The following ZNF461 variants were observed in gnomAD, a reference collection of about 807,000 sequenced individuals.
The protein encoded by ZNF461 is zinc finger protein 461.
ZNF461 carries 16 observed loss-of-function variants against 18.3 expected under a neutral mutation model. That is an observed-to-expected ratio of 0.88 (90% confidence interval 0.59 to 1.33). The LOEUF is 1.33. ZNF461 is among the 40% of genes most tolerant of loss of function. The probability of loss-of-function intolerance (pLI) is 0.00; values close to 1 mark genes in which losing one functional copy is unlikely to be tolerated. For synonymous variants in ZNF461, 179 were observed against 216.9 expected (o/e 0.83, Z 1.54); for missense variants, 595 against 669.9 (o/e 0.89, Z 1.23).
Position 36,658,294 on chromosome 19 carries a change from T to G in ZNF461, c.136+5A>C. The stretch of plus-strand genomic sequence containing the variant: ...GTCAGGTTCTTAATTTTTAGATAAC[T>G]TTACCAAGTGACACCAAGTTGCTAT... On this transcript the variant is annotated splice_donor_5th_base_variant and intron_variant, in intron 3 of 5. Transcript: ENST00000588268. 2 of 1,603,462 alleles carry G rather than the reference T, an allele frequency of 1.2e-6. No individual in the cohort carries two copies. The highest frequency in any genetic ancestry group is 1.7e-6 in the Non-Finnish European group (2 of 1,175,086).
chr19:36,649,392 A>G (rs1380040871), intron 4 of ZNF461, among the ~76,000 whole-genome samples: 3 of 152,112 alleles, frequency 2.0e-5, no homozygotes, highest in South Asian at 4.2e-4. Context: ...GTGCAATGGC[A>G]TAATCTTGGC....
Position 36,639,396 on chromosome 19 carries a change from T to G in ZNF461, c.949A>C (p.Thr317Pro). The change falls in exon 6 of 6, where the codon ACT (threonine) becomes CCT (proline). Residue 317 changes from threonine to proline, a missense_variant. Coordinates refer to ENST00000588268, the MANE Select transcript of ZNF461 (RefSeq NM_153257.5). ...CCAGTATGAAGTCTCTGATGTTGAG[T>G]AAGCTGTGATCGCTGTCTAAAGGCC... The part of the protein sequence containing the change: ...GKAFRQRSQL[T>P]QHQRLHTGEK... 1 of 1,613,684 alleles carries G rather than the reference T, an allele frequency of 6.2e-7. No individual in the cohort carries two copies. Among genetic ancestry groups the G allele is most frequent in the Non-Finnish European group, 8.5e-7 (1 of 1,179,910 alleles).
At chr19:36,645,359 G>A (rs1330164308) in intron 4 of ZNF461, 5 of 152,032 alleles carry the variant, frequency 3.3e-5, no homozygotes, top group African/African-American at 1.2e-4. Flanking sequence ...TTTTTAAAGT[G>A]TTTACATATT....
At chr19:36,656,352 GT>G (rs1219545318) in intron 4 of ZNF461, 95 bp downstream of exon 4, 11 of 966,178 alleles carry the variant, frequency 1.1e-5, no homozygotes, top group Non-Finnish European at 1.7e-5. Flanking sequence ...TTGAAATCAG[GT>G]TTTCCCAAAG....
At chr19:36,651,921 A>C (rs564698131) in intron 4 of ZNF461, among the ~76,000 whole-genome samples, 172 of 152,322 alleles carry the variant, frequency 1.1e-3, no homozygotes, top group African/African-American at 3.8e-3. Flanking sequence ...TCCAATGTTA[A>C]GGTTTACTGT....
rs774974680 is a variant in ZNF461, at chr19:36,639,502, G to A, written c.843C>T (p.Ala281=). 1.2e-6 allele frequency: 2 copies of A among 1,613,222 alleles called. No individual in the cohort carries two copies. The highest frequency in any genetic ancestry group is 3.3e-5 in the Admixed American group (2 of 59,936). Residue 281 remains alanine (A), a synonymous_variant, in exon 6 of 6, where the codon GCC becomes GCT. Coordinates refer to ENST00000588268, the MANE Select transcript of ZNF461 (RefSeq NM_153257.5). ...KRYECNECGK[A]FNYGSELTLH... is the part of the protein sequence containing the mutation. ...GAGTAAGTTCTGAGCCATAATTAAAGGCCTTCCCACATTCGTTACATTCAT... is the reference window on the plus strand; with the variant it reads ...GAGTAAGTTCTGAGCCATAATTAAAAGCCTTCCCACATTCGTTACATTCAT...
chr19:36,643,399 C>A (rs2037464138), intron 5 of ZNF461: 1 of 152,928 alleles, frequency 6.5e-6, no homozygotes, highest in Non-Finnish European at 1.5e-5. Flanking sequence ...TCCAGTACCA[C>A]ATGTGAGGTT....
chr19:36,639,426 C>G lies in ZNF461; in HGVS notation c.919G>C (p.Gly307Arg). 6.2e-7 allele frequency: 1 copy of G among 1,613,962 alleles called. No homozygotes were observed. Among genetic ancestry groups the G allele is most frequent in the Non-Finnish European group, 8.5e-7 (1 of 1,179,970 alleles). Residue 307 changes from glycine to arginine, a missense_variant, in exon 6 of 6, where the codon GGG (glycine) becomes CGG (arginine). Physicochemically the swap from Gly to Arg is moderately radical, Grantham distance 125 (BLOSUM62 -2). Transcript: ENST00000588268. ...TGTGATCGCTGTCTAAAGGCCTTCC[C>G]ACATTCTTTACATTCATAAGGTTTC... The part of the protein sequence containing the change: ...GEKPYECKEC[G>R]KAFRQRSQLT...
chr19:36,639,222 G>A lies in ZNF461; in HGVS notation c.1123C>T (p.His375Tyr). The A allele has an allele frequency of 1.9e-6, 3 of 1,614,128 alleles. No homozygotes were observed. The highest frequency in any genetic ancestry group is 2.5e-6 in the Non-Finnish European group (3 of 1,180,022). ...TFRHRSHLTI[H>Y]QRIHTGEKPY... is the part of the protein sequence containing the mutation. ...TTCTCACCAGTATGAATTCTCTGAT[G>A]TATAGTAAGATGTGAGCGATGCCTA... is the stretch of plus-strand genomic sequence containing the variant. The change falls in exon 6 of 6, where the codon CAT becomes TAT. Residue 375 changes from histidine (H) to tyrosine (Y), a missense_variant. His to Tyr is a moderately conservative substitution (Grantham distance 83). Transcript: ENST00000588268.
chr19:36,639,602 C>T lies in ZNF461; in HGVS notation c.743G>A (p.Cys248Tyr). ...TIQNGDKCNECKECWKAFVHC... is the reference protein window; with the variant it reads ...TIQNGDKCNEYKECWKAFVHC... ...AACAAAGGCCTTCCAACATTCTTTA[C>T]ACTCATTGCATTTGTCACCATTTTG... The change falls in exon 6 of 6, where the codon TGT (cysteine) becomes TAT (tyrosine). Residue 248 changes from cysteine to tyrosine, a missense_variant. Physicochemically the swap from Cys to Tyr is radical, Grantham distance 194 (BLOSUM62 -2). Coordinates refer to ENST00000588268, the MANE Select transcript of ZNF461 (RefSeq NM_153257.5). The T allele has an allele frequency of 6.2e-7, 1 of 1,613,330 alleles. No homozygotes were observed.
chr19:36,640,116 G>T, intron 5 of ZNF461, 73 bp from the exon 6 acceptor site: 1 of 1,256,844 alleles, frequency 8.0e-7, no homozygotes, highest in South Asian at 1.6e-5. Context: ...TGGTAGCAAT[G>T]AGAGATAACT....
At chr19:36,651,740 T>G (rs575042508) in intron 4 of ZNF461, among the ~76,000 whole-genome samples, 1 of 152,308 alleles carries the variant, frequency 6.6e-6, no homozygotes, top group African/African-American at 2.4e-5. Context: ...CTGAATAGAA[T>G]AAAGGTGTTC....
intron 5 of ZNF461, among the ~76,000 whole-genome samples, chr19:36,641,645 A>T (rs968532462): frequency 6.6e-6 from 1 of 151,584 alleles, no homozygotes; most frequent in African/African-American, 2.4e-5. Flanking sequence ...AGTATTCAAT[A>T]ATCAGTTGCT....
intron 4 of ZNF461, among the ~76,000 whole-genome samples, chr19:36,651,621 A>G (rs2037629031): frequency 2.0e-5 from 3 of 152,240 alleles, no homozygotes; most frequent in Non-Finnish European, 4.4e-5. Flanking sequence ...GTATAAAACT[A>G]ACAAAACTTG....
In ZNF461 at chr19:36,666,666, CACTGGTGA is replaced by C. The variant is rs1416100644; in HGVS notation, c.-81+16_-81+23del. On this transcript the variant is annotated intron_variant, in intron 1 of 5. Coordinates refer to ENST00000588268, the MANE Select transcript of ZNF461 (RefSeq NM_153257.5). Reference sequence around the variant, plus strand: ...AAACTATAGACATTCCCTTCCGCGGCACTGGTGAGCCAGGATTTCTTACCTTCAGCATT... The same window carrying C: ...AAACTATAGACATTCCCTTCCGCGGCGCCAGGATTTCTTACCTTCAGCATT... The C allele has an allele frequency of 6.6e-6, 1 of 152,352 alleles. No homozygotes were observed. The highest frequency in any genetic ancestry group is 2.4e-5 in the African/African-American group (1 of 41,414). The allele number at this position is 152,352 out of a possible 1,614,324, so 9.4% of individuals were successfully genotyped here.
rs2037786495 is a variant in ZNF461 at position 36,659,812 on chromosome 19, A to G, written c.10-1387T>C. 2.6e-5 allele frequency among the ~76,000 whole-genome samples: 4 copies of G among 152,332 alleles called. No individual in the cohort carries two copies. In the South Asian group the frequency reaches 8.3e-4, roughly 32 times the overall value. Reference sequence around the variant, plus strand: ...GCCCAAGTCTAACATATGCTGTTCAATCTAAAACCGGAGTTTGTAATTGGT... The same window carrying G: ...GCCCAAGTCTAACATATGCTGTTCAGTCTAAAACCGGAGTTTGTAATTGGT... On this transcript the variant is annotated intron_variant, in intron 2 of 5. Coordinates refer to ENST00000588268, the MANE Select transcript of ZNF461 (RefSeq NM_153257.5).
At position 36,644,689 on chromosome 19, in the gene ZNF461, G is replaced by A. The variant is rs567201433; in HGVS notation, c.233-827C>T. Among the ~76,000 whole-genome samples, 97 of 151,606 alleles carry A rather than the reference G, an allele frequency of 6.4e-4. 1 individual carries two copies. The Middle Eastern group carries it at 0.01, about 16-fold the overall frequency. On this transcript the variant is annotated intron_variant, in intron 4 of 5. Transcript: ENST00000588268. Reference sequence around the variant, plus strand: ...CGGCTCACTGCGGCCTCTGACTCCCGGGTTCAAGCAATTCTCTGCCTCAGC... The same window carrying A: ...CGGCTCACTGCGGCCTCTGACTCCCAGGTTCAAGCAATTCTCTGCCTCAGC...
intron 4 of ZNF461, among the ~76,000 whole-genome samples, chr19:36,649,430 A>G (rs2037587416): frequency 6.6e-6 from 1 of 152,112 alleles, no homozygotes. Flanking sequence ...TCCCAGGTTC[A>G]AGCAATTCTC....
chr19:36,662,209 G>T (rs1407565749), intron 2 of ZNF461, among the ~76,000 whole-genome samples: 1 of 151,388 alleles, frequency 6.6e-6, no homozygotes, highest in Admixed American at 6.6e-5. Flanking sequence ...AACTCTTTTT[G>T]GTAGGAGCAT....
Sources: gnomAD v4.1 joint callset for allele counts (sites outside exome capture counted in the v4.1 genomes callset) on GRCh38, gnomAD v4.1.1 for gene constraint, MANE v1.5 for transcripts, NCBI Gene and HGNC (gene_info 2026-07-23, HGNC 2026-07-21) for gene names.